The following FABP6 variants were observed in gnomAD, a reference collection of about 807,000 sequenced individuals.
FABP6 encodes gastrotropin.
A neutral mutation model predicts 14.9 loss-of-function variants in FABP6; 13 were observed. The ratio of observed to expected loss-of-function variants is 0.87; its 90% CI spans 0.57 to 1.39. The LOEUF (loss-of-function observed/expected upper bound fraction) is 1.39. Ranked by LOEUF, FABP6 falls within the 40% of genes most tolerant of loss-of-function variation. The probability of loss-of-function intolerance (pLI) is 0.00; values close to 1 mark genes in which losing one functional copy is unlikely to be tolerated. For missense variants in FABP6, 161 were observed against 167.2 expected, an observed-to-expected ratio of 0.96 and a Z score of 0.20; for synonymous variants, 75 against 63.6, an observed-to-expected ratio of 1.18 and a Z score of -0.85.
At position 160,234,835 on chromosome 5, in the gene FABP6, G is replaced by A. The variant is rs1760471517; in HGVS notation, c.259G>A (p.Glu87Lys). ...GKTFKATVQMEGGKLVVNFPN... is the reference protein window; with the variant it reads ...GKTFKATVQMKGGKLVVNFPN... ...TCCATTCCAGGCCACTGTGCAGATG[G>A]AGGGCGGGAAGCTGGTGGTGAATTT... is the stretch of plus-strand genomic sequence containing the variant. The change falls in exon 3 of 4, where the codon GAG becomes AAG. Residue 87 changes from glutamate to lysine, a missense_variant. Physicochemically the swap from Glu to Lys is moderately conservative, Grantham distance 56. Transcript: ENST00000402432. 1 of 1,610,366 alleles carries A rather than the reference G, an allele frequency of 6.2e-7. No individual in the cohort carries two copies. The highest frequency in any genetic ancestry group is 1.7e-5 in the Admixed American group (1 of 59,666).
intron 2 of FABP6, chr5:160,199,161 G>C: frequency 6.2e-7 from 1 of 1,614,124 alleles, no homozygotes; most frequent in South Asian, 1.1e-5. Flanking sequence ...GACTCAGGTA[G>C]CTCCGTGAAG....
At chr5:160,224,354 T>G (rs538475405) in intron 3 of FABP6, among the ~76,000 whole-genome samples, 1 of 152,178 alleles carries the variant, frequency 6.6e-6, no homozygotes, top group South Asian at 2.1e-4. Flanking sequence ...GCCTGGGAGG[T>G]TGAGGCTGCA....
intron 2 of FABP6, 46 bp from the exon 3 acceptor site, chr5:160,234,774 C>T (rs202026239): frequency 1.1e-5 from 16 of 1,505,174 alleles, no homozygotes; most frequent in East Asian, 2.4e-5. Flanking sequence ...AGATAGTTGC[C>T]AATCACCTGC....
chr5:160,229,495 G>T (rs1158336480), upstream of FABP6: 7 of 1,610,984 alleles, frequency 4.3e-6, no homozygotes, highest in Non-Finnish European at 5.1e-6. Flanking sequence ...TGGGATAGCA[G>T]ACCCCTCAGC....
chr5:160,215,289 G>A (rs1282592951), intron 3 of FABP6, among the ~76,000 whole-genome samples: 1 of 152,152 alleles, frequency 6.6e-6, no homozygotes, highest in Non-Finnish European at 1.5e-5. Context: ...CAAGGTGGGC[G>A]GATCACCTGA....
chr5:160,236,166 C>T (rs949765126), intron 3 of FABP6, among the ~76,000 whole-genome samples: 1 of 152,056 alleles, frequency 6.6e-6, no homozygotes, highest in Non-Finnish European at 1.5e-5. Context: ...CAGGAGCCCA[C>T]CATCACATCT....
intron 2 of FABP6, among the ~76,000 whole-genome samples, chr5:160,206,923 A>G (rs1759781112): frequency 6.6e-6 from 1 of 152,206 alleles, no homozygotes; most frequent in South Asian, 2.1e-4. Flanking sequence ...AAAGGCGAAA[A>G]AAACCTTACT....
intron 2 of FABP6, among the ~76,000 whole-genome samples, chr5:160,202,250 A>G (rs1759657929): frequency 6.6e-6 from 1 of 152,208 alleles, no homozygotes; most frequent in Non-Finnish European, 1.5e-5. Flanking sequence ...GGCAGCATAG[A>G]AAAGGGACCT....
chr5:160,191,381 C>A (rs555139332), intron 1 of FABP6, among the ~76,000 whole-genome samples: 2 of 151,532 alleles, frequency 1.3e-5, no homozygotes, highest in African/African-American at 4.9e-5. Flanking sequence ...GCAGGAGAAT[C>A]GCTTGAAACC....
intron 3 of FABP6, among the ~76,000 whole-genome samples, chr5:160,216,938 TAGTGGACAAG>T (rs957434942): frequency 1.3e-5 from 2 of 152,140 alleles, no homozygotes; most frequent in Non-Finnish European, 2.9e-5. Context: ...TCCTTTTAGT[TAGTGGACAAG>T]AGTGCAGGAC....
intron 2 of FABP6, chr5:160,199,278 A>T: frequency 8.2e-6 from 8 of 979,664 alleles, no homozygotes; most frequent in Non-Finnish European, 1.1e-5. Flanking sequence ...CTAATAACAG[A>T]CTTGTCATGG....
chr5:160,230,516 A>C (rs1056557708), intron 1 of FABP6, among the ~76,000 whole-genome samples: 4 of 151,974 alleles, frequency 2.6e-5, no homozygotes, highest in Non-Finnish European at 5.9e-5. Flanking sequence ...ATGTGCCACC[A>C]CATCTGGCTA....
In FABP6 at chr5:160,234,809, T is replaced by A. The variant is rs1760471066; in HGVS notation, c.244-11T>A. On this transcript the variant is annotated splice_polypyrimidine_tract_variant and intron_variant, in intron 2 of 3. Coordinates refer to ENST00000402432, the MANE Select transcript of FABP6 (RefSeq NM_001445.3). ...CAACAACCCAGGCTTAATGTTGTGC[T>A]TCCATTCCAGGCCACTGTGCAGATG... 1.3e-6 allele frequency: 2 copies of A among 1,596,986 alleles called. No individual in the cohort carries two copies. The highest frequency in any genetic ancestry group is 1.7e-6 in the Non-Finnish European group (2 of 1,170,618).
intron 2 of FABP6, chr5:160,213,680 A>G (rs2113107070): frequency 6.8e-7 from 1 of 1,465,112 alleles, no homozygotes; most frequent in East Asian, 2.3e-5. Context: ...TGATTGGACC[A>G]GAGATGCCCA....
At chr5:160,198,170 C>T (rs62379584) in intron 1 of FABP6, 4,711 of 151,906 alleles carry the variant, frequency 0.031, 101 homozygotes, top group Non-Finnish European at 0.045. Context: ...GCCCTGGGGA[C>T]CTGGGGCTAT....
At chr5:160,211,609 G>C (rs998949280) in intron 2 of FABP6, among the ~76,000 whole-genome samples, 6 of 152,182 alleles carry the variant, frequency 3.9e-5, no homozygotes, top group African/African-American at 1.4e-4. Context: ...GATTGTTGAA[G>C]GTAATCAATG....
At position 160,232,176 on chromosome 5, in the gene FABP6, C is replaced by A. The variant is rs1561756477; in HGVS notation, c.146C>A (p.Thr49Asn). The change falls in exon 2 of 4, where the codon ACT (threonine) becomes AAT (asparagine). Residue 49 changes from threonine to asparagine, a missense_variant. Coordinates refer to ENST00000402432, the MANE Select transcript of FABP6 (RefSeq NM_001445.3). ...GTGCAGCAGGATGGGCAGGACTTCA[C>A]TTGGTCCCAGCACTACTCCGGGGGC... is the stretch of plus-strand genomic sequence containing the variant. ...TEVQQDGQDF[T>N]WSQHYSGGHT... 1 of 1,613,914 alleles carries A rather than the reference C, an allele frequency of 6.2e-7. No homozygotes were observed. Among genetic ancestry groups the A allele is most frequent in the South Asian group, 1.1e-5 (1 of 91,016 alleles).
chr5:160,193,374 G>A (rs1759439174), intron 1 of FABP6, among the ~76,000 whole-genome samples: 1 of 152,162 alleles, frequency 6.6e-6, no homozygotes, highest in South Asian at 2.1e-4. Context: ...CAAAGAGTGA[G>A]CAGTAGCAAG....
intron 2 of FABP6, among the ~76,000 whole-genome samples, chr5:160,213,450 C>T (rs1759936310): frequency 6.6e-6 from 1 of 152,208 alleles, no homozygotes; most frequent in African/African-American, 2.4e-5. Context: ...TTGCCCAGTC[C>T]AGCCTTTGGC....
Sources: gnomAD v4.1 joint callset for allele counts (sites outside exome capture counted in the v4.1 genomes callset) on GRCh38, gnomAD v4.1.1 for gene constraint, MANE v1.5 for transcripts, NCBI Gene and HGNC (gene_info 2026-07-23, HGNC 2026-07-21) for gene names.